The following EVC2 variants were observed in gnomAD, a reference collection of about 807,000 sequenced individuals.
EVC2 encodes the protein EvC ciliary complex subunit 2.
In EVC2, 148 loss-of-function variants were observed where a neutral mutation model predicts 149.3. That is an observed-to-expected ratio of 0.99 (90% CI 0.87 to 1.14). The LOEUF (loss-of-function observed/expected upper bound fraction) is 1.14. Ranked by LOEUF, EVC2 falls within the 50% of genes most tolerant of loss-of-function variation. EVC2 has a pLI of 0.00. For missense variants in EVC2, 1,854 were observed against 1,627.3 expected (o/e 1.14, Z -2.40); for synonymous variants, 776 against 649.9 (o/e 1.19, Z -2.95).
chr4:5,589,870 T>A (rs949432267), intron 16 of EVC2, among the ~76,000 whole-genome samples: 2 of 152,188 alleles, frequency 1.3e-5, no homozygotes, highest in Non-Finnish European at 2.9e-5. Flanking sequence ...GCCTGACACA[T>A]TGGAGTGTTT....
At chr4:5,530,486 A>G in the EVC2 span, among the ~76,000 whole-genome samples, 1 of 152,026 alleles carries the variant, frequency 6.6e-6, no homozygotes, top group Non-Finnish European at 1.5e-5. Flanking sequence ...AACTACAGTC[A>G]AACAAACTAA....
chr4:5,650,378 G>A (rs1718018855), intron 9 of EVC2, among the ~76,000 whole-genome samples: 1 of 151,758 alleles, frequency 6.6e-6, no homozygotes, highest in South Asian at 2.1e-4. Context: ...AACTTTTCCT[G>A]GGTGATATTT....
At chr4:5,551,140 C>T (rs1394365427) in intron 21 of EVC2, among the ~76,000 whole-genome samples, 2 of 149,688 alleles carry the variant, frequency 1.3e-5, no homozygotes, top group African/African-American at 2.5e-5. Flanking sequence ...TGGGGCATCA[C>T]CTAGTGGAGC....
In EVC2 at chr4:5,615,679, G is replaced by C. The variant is rs143357685; in HGVS notation, c.2707-135C>G. 1.6e-4 allele frequency: 201 copies of C among 1,266,036 alleles called. No homozygotes were observed. The East Asian group carries it at 2.7e-3, about 17-fold the overall frequency. The allele number at this position is 1,266,036 out of a possible 1,614,324, so 78.4% of individuals were successfully genotyped here. A position where few individuals can be genotyped will look rare whatever the true frequency, so the allele number is the denominator to read the frequency against. On this transcript the variant is annotated intron_variant, in intron 15 of 21. Transcript: ENST00000344408. The stretch of plus-strand genomic sequence containing the variant: ...GCAAAACTCTGCCTTAGGCCAGAGA[G>C]GGGAGGAGAGAGGTATGTTCTTCTG...
chr4:5,698,096 G>A (rs940132988), intron 1 of EVC2, among the ~76,000 whole-genome samples: 6 of 152,128 alleles, frequency 3.9e-5, no homozygotes, highest in Admixed American at 3.9e-4. Flanking sequence ...ACTTTTCTAA[G>A]TCGGCCATTC....
intron 19 of EVC2, among the ~76,000 whole-genome samples, chr4:5,573,090 A>G (rs1280123625): frequency 6.6e-6 from 1 of 152,200 alleles, no homozygotes; most frequent in Non-Finnish European, 1.5e-5. Flanking sequence ...AGGAAGTACC[A>G]GCTCCTCCCC....
intron 16 of EVC2, among the ~76,000 whole-genome samples, chr4:5,605,492 T>C (rs1233872618): frequency 6.6e-6 from 1 of 152,078 alleles, no homozygotes; most frequent in Non-Finnish European, 1.5e-5. Flanking sequence ...GATAGATGGA[T>C]GGATGGATGG....
chr4:5,628,461 C>T (rs532985797), intron 12 of EVC2, 98 bp downstream of exon 12: 2 of 1,470,180 alleles, frequency 1.4e-6, no homozygotes, highest in East Asian at 2.4e-5. Flanking sequence ...CCAAATATAT[C>T]TCTTCTATTT....
In EVC2 at chr4:5,686,093, ATT is replaced by A. The variant is rs1720687608; in HGVS notation, c.707-616_707-615del. On this transcript the variant is annotated intron_variant, in intron 5 of 21. Transcript: ENST00000344408. This position sits in a 1 kb window ranked among gnomAD's most constrained non-coding sequence, Gnocchi z 5.4. Reference sequence around the variant, plus strand: ...ATAACATATATACACACACATATATATTACACACACACACACACACACACACA... The same window carrying A: ...ATAACATATATACACACACATATATAACACACACACACACACACACACACA... Among the ~76,000 whole-genome samples the A allele has an allele frequency of 6.4e-5, 1 of 15,568 alleles. No homozygotes were observed. The allele number at this position is 15,568 out of a possible 152,430, so 10.2% of individuals were successfully genotyped here.
chr4:5,580,677 A>T (rs929153786), intron 17 of EVC2, among the ~76,000 whole-genome samples: 1 of 152,198 alleles, frequency 6.6e-6, no homozygotes, highest in African/African-American at 2.4e-5. Flanking sequence ...CCTCCACGCT[A>T]ATCACCTCCA....
Position 5,625,845 on chromosome 4 carries a change from A to G in EVC2, c.1950T>C (p.Phe650=). Residue 650 remains phenylalanine, a synonymous_variant, in exon 13 of 22, where the codon TTT becomes TTC. Coordinates refer to ENST00000344408, the MANE Select transcript of EVC2 (RefSeq NM_147127.5). This position sits in a 1 kb window ranked among gnomAD's most constrained non-coding sequence, Gnocchi z 4.0. ...MLLERAQTEV[F]SIKQKLDNDL... ...CATTGTCCAACTTCTGCTTGATTGAAAAGACTTCTGTCTGAGCCCGCTCCA... is the reference window on the plus strand; with the variant it reads ...CATTGTCCAACTTCTGCTTGATTGAGAAGACTTCTGTCTGAGCCCGCTCCA... The G allele has an allele frequency of 6.2e-7, 1 of 1,614,002 alleles. No individual in the cohort carries two copies. Among genetic ancestry groups the G allele is most frequent in the Non-Finnish European group, 8.5e-7 (1 of 1,179,982 alleles).
At chr4:5,535,741 C>A in the EVC2 span, among the ~76,000 whole-genome samples, 1 of 152,168 alleles carries the variant, frequency 6.6e-6, no homozygotes, top group Non-Finnish European at 1.5e-5. This position sits in a 1 kb window ranked among gnomAD's most constrained non-coding sequence, Gnocchi z 4.7. Context: ...AAAGCCCCAC[C>A]TCAAAATACC....
chr4:5,708,892 T>A, upstream of EVC2: 1 of 183,192 alleles, frequency 5.5e-6, no homozygotes, highest in Non-Finnish European at 1.1e-5. Flanking sequence ...CACACGGATG[T>A]GAATCCAGAG....
At chr4:5,601,591 A>C (rs1311243747) in intron 16 of EVC2, among the ~76,000 whole-genome samples, 1 of 152,126 alleles carries the variant, frequency 6.6e-6, no homozygotes, top group African/African-American at 2.4e-5. Flanking sequence ...AAATTAGAGA[A>C]TAGGAGATGT....
At chr4:5,575,577 G>C (rs1722876442) in intron 18 of EVC2, among the ~76,000 whole-genome samples, 1 of 152,186 alleles carries the variant, frequency 6.6e-6, no homozygotes, top group African/African-American at 2.4e-5. Flanking sequence ...CTTCCAATTA[G>C]CGTGTGCGTG....
chr4:5,649,628 G>A (rs1717969310), intron 9 of EVC2, among the ~76,000 whole-genome samples: 1 of 152,178 alleles, frequency 6.6e-6, no homozygotes, highest in Non-Finnish European at 1.5e-5. Flanking sequence ...AGTGAAGGAG[G>A]ACTCATTAAT....
At chr4:5,537,383 G>C in the EVC2 span, among the ~76,000 whole-genome samples, 1 of 152,160 alleles carries the variant, frequency 6.6e-6, no homozygotes, top group East Asian at 1.9e-4. Context: ...AAGGATTCCA[G>C]GAAACAATAT....
Position 5,689,330 on chromosome 4 carries a change from C to A in EVC2, c.533G>T (p.Ser178Ile). Residue 178 changes from serine (S) to isoleucine (I), a missense_variant, in exon 5 of 22, where the codon AGT becomes ATT. Physicochemically the swap from Ser to Ile is moderately radical, Grantham distance 142 (BLOSUM62 -2). Transcript: ENST00000344408. ...CCATATGCGGGCTGTCTGTGCTTCA[C>A]TCGACCCAGACACCTAGGGCAGAAG... Reference protein sequence around the residue: ...FQKCALVSGSSEAQTARIWLL... With the variant: ...FQKCALVSGSIEAQTARIWLL... 3.1e-6 allele frequency: 5 copies of A among 1,614,134 alleles called. No homozygotes were observed. The highest frequency in any genetic ancestry group is 4.2e-6 in the Non-Finnish European group (5 of 1,180,042).
intron 16 of EVC2, among the ~76,000 whole-genome samples, chr4:5,612,276 C>T (rs1714881412): frequency 6.6e-6 from 1 of 152,138 alleles, no homozygotes. Context: ...CTGTATTTCC[C>T]AAACGGCAAT....
Sources: allele counts gnomAD v4.1 joint callset (sites outside exome capture counted in the v4.1 genomes callset), GRCh38; gene constraint gnomAD v4.1.1; non-coding constraint Gnocchi (gnomAD v3.1); transcripts MANE v1.5; gene names NCBI Gene and HGNC (gene_info 2026-07-23, HGNC 2026-07-21).